IGSF21: variants seen among roughly 807,000 people sequenced by gnomAD.
IGSF21 encodes immunoglobin superfamily member 21, also known as immunoglobulin superfamily member 21.
Under a neutral mutation model 46.8 loss-of-function variants are expected in IGSF21, and 28 were observed. The observed-to-expected ratio is 0.60, with a 90% confidence interval of 0.44 to 0.82. The LOEUF is 0.82. Among genes scored for constraint, IGSF21 ranks in the 40% least tolerant of loss-of-function variants. The probability of loss-of-function intolerance (pLI) is 0.00; values close to 1 mark genes in which losing one functional copy is unlikely to be tolerated. For synonymous variants in IGSF21, 284 were observed against 273.6 expected (o/e 1.04, Z -0.38); for missense variants, 624 against 665.5 (o/e 0.94, Z 0.69).
intron 1 of IGSF21, among the ~76,000 whole-genome samples, chr1:18,227,564 C>T (rs1005048968): frequency 1.3e-5 from 2 of 151,766 alleles, no homozygotes; most frequent in African/African-American, 2.4e-5. Context: ...TATAGAAATA[C>T]ATTGAGGCTG....
At chr1:18,370,299 A>G (rs1335242218) in intron 6 of IGSF21, among the ~76,000 whole-genome samples, 4 of 152,242 alleles carry the variant, frequency 2.6e-5, no homozygotes, top group Admixed American at 6.5e-5. Context: ...AAATAGATCT[A>G]CATACACAGA....
chr1:18,362,311 C>T, intron 5 of IGSF21, 81 bp downstream of exon 5: 1 of 1,000,100 alleles, frequency 1.0e-6, no homozygotes, highest in Non-Finnish European at 1.5e-6. Flanking sequence ...CAGGTGTCGC[C>T]ACTGTGCCTG....
intron 1 of IGSF21, among the ~76,000 whole-genome samples, chr1:18,145,002 C>T (rs2086452320): frequency 6.6e-6 from 1 of 152,042 alleles, no homozygotes; most frequent in Non-Finnish European, 1.5e-5. Context: ...TATCTGACTC[C>T]AAAAGATAAC....
Position 18,322,206 on chromosome 1 carries a change from C to A in IGSF21, c.306-12686C>A, listed in dbSNP as rs748446947. Among the ~76,000 whole-genome samples the A allele has an allele frequency of 6.6e-6, 1 of 152,128 alleles. No individual in the cohort carries two copies. Among genetic ancestry groups the A allele is most frequent in the Non-Finnish European group, 1.5e-5 (1 of 68,034 alleles). The stretch of plus-strand genomic sequence containing the variant: ...AACCTCTCACTGGTACACTGATGAA[C>A]GAGGCCTGCATCGGCTCCTGGAACT... On this transcript the variant is annotated intron_variant, in intron 3 of 9. Transcript: ENST00000251296. The surrounding 1 kb of genome is among the most constrained non-coding windows in gnomAD (Gnocchi z 4.3).
At chr1:18,160,156 G>A (rs2086604762) in intron 1 of IGSF21, among the ~76,000 whole-genome samples, 1 of 152,082 alleles carries the variant, frequency 6.6e-6, no homozygotes, top group South Asian at 2.1e-4. Context: ...GAGAAGGAAG[G>A]AAAAACAGTC....
intron 1 of IGSF21, among the ~76,000 whole-genome samples, chr1:18,223,383 C>T (rs2084529863): frequency 6.6e-6 from 1 of 152,196 alleles, no homozygotes; most frequent in Admixed American, 6.5e-5. Context: ...CAAGAGACCC[C>T]ATCAAGTAGT....
chr1:18,303,391 G>C (rs765848815), intron 3 of IGSF21, among the ~76,000 whole-genome samples: 8 of 152,092 alleles, frequency 5.3e-5, no homozygotes, highest in Admixed American at 5.2e-4. Flanking sequence ...TTCCTCCCCC[G>C]GCAGCCTCCC....
At chr1:18,329,027 G>A (rs2085685529) in intron 3 of IGSF21, among the ~76,000 whole-genome samples, 1 of 152,190 alleles carries the variant, frequency 6.6e-6, no homozygotes, top group Non-Finnish European at 1.5e-5. Context: ...GAAAACATAT[G>A]GCTCTCATTA....
chr1:18,176,915 T>C (rs2086805109), intron 1 of IGSF21, among the ~76,000 whole-genome samples: 1 of 152,224 alleles, frequency 6.6e-6, no homozygotes, highest in African/African-American at 2.4e-5. Flanking sequence ...CCACTGCTTA[T>C]TGAGCTCCTA....
At chr1:18,137,641 G>T (rs1288381499) in intron 1 of IGSF21, among the ~76,000 whole-genome samples, 2 of 152,074 alleles carry the variant, frequency 1.3e-5, no homozygotes, top group Non-Finnish European at 2.9e-5. Context: ...CACTTTGGGG[G>T]GATGGAGACA....
intron 2 of IGSF21, among the ~76,000 whole-genome samples, chr1:18,275,727 A>G (rs1403576214): frequency 2.6e-5 from 4 of 151,974 alleles, no homozygotes; most frequent in Non-Finnish European, 5.9e-5. Context: ...CTGCCCTTCC[A>G]TTGCACAGAC....
chr1:18,309,150 C>G (rs1053519066), intron 3 of IGSF21, among the ~76,000 whole-genome samples: 6 of 152,006 alleles, frequency 3.9e-5, no homozygotes, highest in African/African-American at 1.2e-4. Flanking sequence ...GGGAGTTTGT[C>G]TGTGGGCCTG....
At chr1:18,229,318 G>C (rs1310576952) in intron 2 of IGSF21, among the ~76,000 whole-genome samples, 1 of 152,190 alleles carries the variant, frequency 6.6e-6, no homozygotes, top group Admixed American at 6.5e-5. Context: ...TCTACACACA[G>C]AGCATGGAAA....
intron 1 of IGSF21, among the ~76,000 whole-genome samples, chr1:18,123,559 C>A (rs1177450423): frequency 6.6e-6 from 1 of 152,086 alleles, no homozygotes; most frequent in East Asian, 1.9e-4. Flanking sequence ...ACATAGGTAC[C>A]AAGTCCTAGG....
chr1:18,325,504 C>T (rs959616402), intron 3 of IGSF21, among the ~76,000 whole-genome samples: 8 of 151,986 alleles, frequency 5.3e-5, no homozygotes, highest in African/African-American at 1.9e-4. Flanking sequence ...CTCAGGGCCC[C>T]GGAATGATTC....
chr1:18,134,244 C>T (rs1362027797), intron 1 of IGSF21, among the ~76,000 whole-genome samples: 1 of 152,132 alleles, frequency 6.6e-6, no homozygotes, highest in African/African-American at 2.4e-5. Context: ...GGGGAGCTGG[C>T]ATTTTTGCTG....
At chr1:18,357,866 C>T (rs1041769554) in intron 4 of IGSF21, among the ~76,000 whole-genome samples, 26 of 152,056 alleles carry the variant, frequency 1.7e-4, no homozygotes, top group Admixed American at 5.2e-4. Context: ...CTGAGCTGTC[C>T]GTGCTGATGT....
At chr1:18,241,399 G>A (rs1157401799) in intron 2 of IGSF21, among the ~76,000 whole-genome samples, 1 of 152,200 alleles carries the variant, frequency 6.6e-6, no homozygotes, top group African/African-American at 2.4e-5. Flanking sequence ...AGAGCCTTGA[G>A]AGAAGGAGGT....
At chr1:18,248,109 G>A (rs1260907631) in intron 2 of IGSF21, among the ~76,000 whole-genome samples, 1 of 152,224 alleles carries the variant, frequency 6.6e-6, no homozygotes, top group Non-Finnish European at 1.5e-5. Flanking sequence ...GTGCTGGAGA[G>A]AAATGTGCAC....
Sources: gnomAD v4.1 joint callset for allele counts (sites outside exome capture counted in the v4.1 genomes callset) on GRCh38, gnomAD v4.1.1 for gene constraint, Gnocchi (gnomAD v3.1) non-coding constraint, MANE v1.5 for transcripts, NCBI Gene and HGNC (gene_info 2026-07-23, HGNC 2026-07-21) for gene names.